PPP2R5E: variants seen among roughly 807,000 people sequenced by gnomAD.
PPP2R5E encodes serine/threonine-protein phosphatase 2A 56 kDa regulatory subunit epsilon isoform.
A neutral mutation model predicts 65.3 loss-of-function variants in PPP2R5E; 4 were observed. That is an observed-to-expected ratio of 0.06 (90% CI 0.03 to 0.14). The LOEUF (loss-of-function observed/expected upper bound fraction) is 0.14. PPP2R5E is among the 10% of genes least tolerant of loss of function. The pLI is 1.00. For missense variants in PPP2R5E, 274 were observed against 556.1 expected, an observed-to-expected ratio of 0.49 and a Z score of 5.10; for synonymous variants, 183 against 187.4, an observed-to-expected ratio of 0.98 and a Z score of 0.19.
chr14:63,401,928 G>T (rs937120168), intron 5 of PPP2R5E, among the ~76,000 whole-genome samples: 1 of 152,110 alleles, frequency 6.6e-6, no homozygotes, highest in Admixed American at 6.6e-5. Flanking sequence ...GATGGTAAGG[G>T]TGTGAGAAAT....
chr14:63,387,786 T>C (rs1260338344), intron 11 of PPP2R5E, among the ~76,000 whole-genome samples: 2 of 152,196 alleles, frequency 1.3e-5, no homozygotes, highest in African/African-American at 4.8e-5. Context: ...TAAGGTTACA[T>C]GAGCTCATAA....
At chr14:63,529,187 C>T (rs1893305384) in intron 2 of PPP2R5E, among the ~76,000 whole-genome samples, 1 of 152,094 alleles carries the variant, frequency 6.6e-6, no homozygotes, top group Non-Finnish European at 1.5e-5. Context: ...ATCTTGAACA[C>T]CTGGCCTCAG....
intron 2 of PPP2R5E, among the ~76,000 whole-genome samples, chr14:63,484,952 A>C (rs1353653055): frequency 6.6e-6 from 1 of 152,250 alleles, no homozygotes; most frequent in African/African-American, 2.4e-5. Flanking sequence ...TTCTGTATTA[A>C]GGAACAATGC....
At chr14:63,414,789 C>G (rs1008850939) in intron 5 of PPP2R5E, among the ~76,000 whole-genome samples, 1 of 152,186 alleles carries the variant, frequency 6.6e-6, no homozygotes, top group African/African-American at 2.4e-5. Context: ...CACCACACTT[C>G]TTTAAGAATC....
At chr14:63,398,908 T>C (rs959176168) in intron 5 of PPP2R5E, among the ~76,000 whole-genome samples, 1 of 152,228 alleles carries the variant, frequency 6.6e-6, no homozygotes, top group Non-Finnish European at 1.5e-5. Flanking sequence ...GGAACCCTCA[T>C]ACATTGTTGG....
chr14:63,531,200 T>C (rs771855035), intron 2 of PPP2R5E, among the ~76,000 whole-genome samples: 1 of 152,140 alleles, frequency 6.6e-6, no homozygotes, highest in Non-Finnish European at 1.5e-5. Flanking sequence ...AAATAACATA[T>C]GTATACATGT....
chr14:63,511,581 C>G (rs1892454045), intron 2 of PPP2R5E, among the ~76,000 whole-genome samples: 1 of 152,206 alleles, frequency 6.6e-6, no homozygotes, highest in African/African-American at 2.4e-5. Flanking sequence ...GATTCAAAAT[C>G]TATTTATCCC....
chr14:63,438,032 C>T (rs567403547), intron 3 of PPP2R5E, among the ~76,000 whole-genome samples: 1 of 152,288 alleles, frequency 6.6e-6, no homozygotes, highest in Non-Finnish European at 1.5e-5. Flanking sequence ...AGGCAACTTG[C>T]TCCTGAGAAG....
chr14:63,391,090 G>T (rs743221), intron 10 of PPP2R5E, among the ~76,000 whole-genome samples: 1 of 152,008 alleles, frequency 6.6e-6, no homozygotes, highest in African/African-American at 2.4e-5. Context: ...CTGCTCTAGC[G>T]TCTATGTACA....
intron 2 of PPP2R5E, among the ~76,000 whole-genome samples, chr14:63,473,138 T>A (rs2139564796): frequency 6.6e-6 from 1 of 152,284 alleles, no homozygotes; most frequent in South Asian, 2.1e-4. Flanking sequence ...GTTGGAAGAA[T>A]GATGATACTG....
chr14:63,399,366 C>CTTTGTTTTTTTTTTTTTTT (rs1885604828), intron 5 of PPP2R5E, among the ~76,000 whole-genome samples: 3 of 48,504 alleles, frequency 6.2e-5, no homozygotes, highest in Admixed American at 3.3e-4. Context: ...GGATTTCTTT[C>CTTTGTTTTTTTTTTTTTTT]TTTTTTTTTT....
intron 2 of PPP2R5E, among the ~76,000 whole-genome samples, chr14:63,531,737 TGA>T (rs1893444859): frequency 6.6e-6 from 1 of 151,860 alleles, no homozygotes; most frequent in Non-Finnish European, 1.5e-5. Flanking sequence ...GAGGGTCACT[TGA>T]GGTCAAGAGT....
chr14:63,375,923 T>C lies in PPP2R5E; in HGVS notation c.*86A>G. On this transcript the variant is annotated 3_prime_UTR_variant, in exon 14 of 14. Transcript: ENST00000337537. ...ACAAAGGTGAAATCTACTGTAAAGT[T>C]GCACAATACAGAAAACTGTTGCTCC... 2 of 915,412 alleles carry C rather than the reference T, an allele frequency of 2.2e-6. No homozygotes were observed. The highest frequency in any genetic ancestry group is 3.5e-6 in the Non-Finnish European group (2 of 578,256). The allele number at this position is 915,412 out of a possible 1,614,324, so 56.7% of individuals were successfully genotyped here. A position where few individuals can be genotyped will look rare whatever the true frequency, so the allele number is the denominator to read the frequency against.
At position 63,374,843 on chromosome 14, in the gene PPP2R5E, G is replaced by A. The variant is rs1312040802; in HGVS notation, c.*1166C>T. On this transcript the variant is annotated 3_prime_UTR_variant, in exon 14 of 14. Coordinates refer to ENST00000337537, the MANE Select transcript of PPP2R5E (RefSeq NM_006246.5). ...ACCACTTTTGGTAACAAATACAGTA[G>A]TTAGGAATATGCATCCAATTCAGAA... The A allele has an allele frequency of 3.3e-5, 5 of 151,992 alleles. No individual in the cohort carries two copies. Among genetic ancestry groups the A allele is most frequent in the African/African-American group, 9.7e-5 (4 of 41,174 alleles). The allele number at this position is 151,992 out of a possible 1,614,324, so 9.4% of individuals were successfully genotyped here.
intron 8 of PPP2R5E, 102 bp downstream of exon 8, chr14:63,393,718 C>A (rs11158489): frequency 0.14 from 112,484 of 795,004 alleles, 18,320 homozygotes; most frequent in African/African-American, 0.66. Flanking sequence ...TCTCAAAAAA[C>A]AAAAACCAAA....
chr14:63,509,208 T>C (rs775396469), intron 2 of PPP2R5E, among the ~76,000 whole-genome samples: 1 of 151,992 alleles, frequency 6.6e-6, no homozygotes, highest in African/African-American at 2.4e-5. Context: ...AGTTGTATCT[T>C]AGTCTATGAC....
intron 2 of PPP2R5E, among the ~76,000 whole-genome samples, chr14:63,476,789 ATTAC>A (rs1890433642): frequency 6.6e-6 from 1 of 152,150 alleles, no homozygotes; most frequent in African/African-American, 2.4e-5. Flanking sequence ...TCATCTATAA[ATTAC>A]TTATTCATGA....
intron 3 of PPP2R5E, among the ~76,000 whole-genome samples, chr14:63,429,306 T>C (rs1187132763): frequency 1.3e-5 from 2 of 152,208 alleles, no homozygotes; most frequent in Non-Finnish European, 2.9e-5. Flanking sequence ...AATTATACAA[T>C]ATTGCAAGCA....
chr14:63,393,962 T>C, intron 7 of PPP2R5E, 34 bp from the exon 8 acceptor site: 1 of 1,259,208 alleles, frequency 7.9e-7, no homozygotes, highest in Non-Finnish European at 1.2e-6. Context: ...ATTAGCAATG[T>C]TACCACAAGT....
Sources: gnomAD v4.1 joint callset for allele counts (sites outside exome capture counted in the v4.1 genomes callset) on GRCh38, gnomAD v4.1.1 for gene constraint, MANE v1.5 for transcripts, NCBI Gene and HGNC (gene_info 2026-07-23, HGNC 2026-07-21) for gene names.